The following TARDBP variants were observed in gnomAD, a reference collection of about 807,000 sequenced individuals.
TARDBP encodes TAR DNA binding protein.
A neutral mutation model predicts 38.3 loss-of-function variants in TARDBP; 4 were observed. The observed-to-expected ratio is 0.10, with a 90% CI of 0.05 to 0.24. The LOEUF is 0.24. Ranked by LOEUF, TARDBP falls within the 10% of genes least tolerant of loss-of-function variation. The probability of loss-of-function intolerance (pLI) is 1.00; values close to 1 mark genes in which losing one functional copy is unlikely to be tolerated. For synonymous variants in TARDBP, 184 were observed against 183.8 expected (o/e 1.00, Z -0.01); for missense variants, 202 against 521.9 (o/e 0.39, Z 5.97).
chr1:11,028,093 G>A (rs1262715873), downstream of TARDBP, among the ~76,000 whole-genome samples: 1 of 151,948 alleles, frequency 6.6e-6, no homozygotes. Context: ...GTGGTGATGG[G>A]CACCTGTAAT....
chr1:11,027,504 G>A, downstream of TARDBP: 1 of 1,614,168 alleles, frequency 6.2e-7, no homozygotes, highest in Non-Finnish European at 8.5e-7. Context: ...GGCATGAGCA[G>A]CTGTTAGGAC....
Position 11,012,695 on chromosome 1 carries a change from C to G in TARDBP, c.-61C>G, listed in dbSNP as rs908492197. On this transcript the variant is annotated 5_prime_UTR_variant, in exon 1 of 6. Coordinates refer to ENST00000240185, the MANE Select transcript of TARDBP (RefSeq NM_007375.4). ...GCGGTGGCTGGGCTGCGCTTGGGTC[C>G]GTCGCTGCTTCGGTGTCCCTGTCGG... The G allele has an allele frequency of 6.6e-6, 1 of 152,378 alleles. No homozygotes were observed. The highest frequency in any genetic ancestry group is 1.9e-4 in the East Asian group (1 of 5,166). The allele number at this position is 152,378 out of a possible 1,614,324, so 9.4% of individuals were successfully genotyped here.
intron 2 of TARDBP, among the ~76,000 whole-genome samples, chr1:11,014,755 A>G (rs1430632468): frequency 6.6e-6 from 1 of 152,124 alleles, no homozygotes; most frequent in Non-Finnish European, 1.5e-5. Flanking sequence ...CCTGGCCAAC[A>G]TGATGAAACC....
intron 4 of TARDBP, chr1:11,019,219 T>A (rs1643587258): frequency 3.2e-6 from 1 of 316,860 alleles, no homozygotes; most frequent in South Asian, 2.8e-5. Context: ...AAGACCTAAC[T>A]TTTTCCAAGC....
chr1:11,021,451 A>G (rs1037944069), intron 5 of TARDBP, among the ~76,000 whole-genome samples: 1 of 149,062 alleles, frequency 6.7e-6, no homozygotes, highest in African/African-American at 2.5e-5. Flanking sequence ...AGTTTTTTGT[A>G]TCTTTAGTAG....
chr1:11,023,301 A>T lies in TARDBP; in HGVS notation c.*647A>T. 1.3e-6 allele frequency: 2 copies of T among 1,535,408 alleles called. No individual in the cohort carries two copies. Among genetic ancestry groups the T allele is most frequent in the Non-Finnish European group, 8.8e-7 (1 of 1,134,114 alleles). On this transcript the variant is annotated 3_prime_UTR_variant, in exon 6 of 6. Coordinates refer to ENST00000240185, the MANE Select transcript of TARDBP (RefSeq NM_007375.4). ...ATGCTTTCTCATTCAAGAATTCGTC[A>T]TCACGCATCACAGGCCGCGTCTTTG...
At chr1:11,026,956 C>T (rs758838073), downstream of TARDBP, 3 of 1,546,534 alleles carry the variant, frequency 1.9e-6, no homozygotes, top group East Asian at 4.5e-5. Flanking sequence ...CCATACTGAC[C>T]TGCTTCCCCA....
chr1:11,027,727 G>A, downstream of TARDBP: 1 of 1,462,428 alleles, frequency 6.8e-7, no homozygotes, highest in Non-Finnish European at 9.2e-7. Flanking sequence ...CCGCCTTGAA[G>A]TATATATTTG....
At chr1:11,027,107 A>G, downstream of TARDBP, 1 of 1,609,350 alleles carries the variant, frequency 6.2e-7, no homozygotes, top group Non-Finnish European at 8.5e-7. Context: ...GCATGTTAGC[A>G]GTTACACTTC....
chr1:11,028,699 T>TTTTTG (rs1557665425), downstream of TARDBP, among the ~76,000 whole-genome samples: 1 of 29,358 alleles, frequency 3.4e-5, no homozygotes, highest in East Asian at 1.2e-3. Flanking sequence ...CTTTCTGGGT[T>TTTTTG]TTTTTTCTTT....
intron 3 of TARDBP, among the ~76,000 whole-genome samples, chr1:11,018,142 A>C (rs1160199894): frequency 2.6e-5 from 4 of 151,990 alleles, no homozygotes; most frequent in African/African-American, 9.7e-5. Flanking sequence ...TCCGCCTCCC[A>C]AAGTGCTGGG....
At position 11,022,963 on chromosome 1, in the gene TARDBP, G is replaced by T; in HGVS notation, c.*309G>T. 1 of 1,384,602 alleles carries T rather than the reference G, an allele frequency of 7.2e-7. No individual in the cohort carries two copies. The highest frequency in any genetic ancestry group is 2.7e-4 in the Middle Eastern group (1 of 3,644). The allele number at this position is 1,384,602 out of a possible 1,614,324, so 85.8% of individuals were successfully genotyped here. On this transcript the variant is annotated 3_prime_UTR_variant, in exon 6 of 6. Coordinates refer to ENST00000240185, the MANE Select transcript of TARDBP (RefSeq NM_007375.4). The surrounding 1 kb of genome is among the most constrained non-coding windows in gnomAD (Gnocchi z 4.5). ...TTTCTCCTGTAATATTTTATCCCTG[G>T]ACTTGTCAAGTGAATTCTTTGCATG...
Position 11,018,471 on chromosome 1 carries a change from G to A in TARDBP, c.403-262G>A, listed in dbSNP as rs1036366212. 14 of 470,170 alleles carry A rather than the reference G, an allele frequency of 3.0e-5. No homozygotes were observed. In the Admixed American group the frequency reaches 4.7e-4, roughly 16 times the overall value. The allele number at this position is 470,170 out of a possible 1,614,324, so 29.1% of individuals were successfully genotyped here. A position where few individuals can be genotyped will look rare whatever the true frequency, so the allele number is the denominator to read the frequency against. On this transcript the variant is annotated intron_variant, in intron 3 of 5. Transcript: ENST00000240185. Reference sequence around the variant, plus strand: ...CCCAAAGCACTGGGAATACAGGTGTGAGCCACCGCGCCTGGCCCCATCTCT... The same window carrying A: ...CCCAAAGCACTGGGAATACAGGTGTAAGCCACCGCGCCTGGCCCCATCTCT...
Position 11,022,110 on chromosome 1 carries a change from C to T in TARDBP, c.715-14C>T. 6.2e-7 allele frequency: 1 copy of T among 1,613,834 alleles called. No homozygotes were observed. Among genetic ancestry groups the T allele is most frequent in the Non-Finnish European group, 8.5e-7 (1 of 1,179,808 alleles). On this transcript the variant is annotated splice_polypyrimidine_tract_variant and intron_variant, in intron 5 of 5. Coordinates refer to ENST00000240185, the MANE Select transcript of TARDBP (RefSeq NM_007375.4). This position sits in a 1 kb window ranked among gnomAD's most constrained non-coding sequence, Gnocchi z 4.5. ...GGTTTAATCTTCTTTGTTTACATCC[C>T]TTATTTCTTATAGATTGCGCAGTCT...
downstream of TARDBP, among the ~76,000 whole-genome samples, chr1:11,028,217 C>CAG (rs572388127): frequency 8.1e-3 from 1,170 of 145,184 alleles, 21 homozygotes; most frequent in African/African-American, 0.027. Flanking sequence ...AACTCCATCT[C>CAG]AAAAAAAAAA....
In TARDBP at chr1:11,022,063, T is replaced by C; in HGVS notation, c.715-61T>C. 1 of 1,592,900 alleles carries C rather than the reference T, an allele frequency of 6.3e-7. No individual in the cohort carries two copies. Among genetic ancestry groups the C allele is most frequent in the Non-Finnish European group, 8.6e-7 (1 of 1,162,412 alleles). On this transcript the variant is annotated intron_variant, in intron 5 of 5. Transcript: ENST00000240185. This position sits in a 1 kb window ranked among gnomAD's most constrained non-coding sequence, Gnocchi z 4.5. ...ATGCTTGTAATCTAAGTTTTGTTGC[T>C]ACTTTAAATATATGAATCAGTGGTT... is the stretch of plus-strand genomic sequence containing the variant.
intron 2 of TARDBP, among the ~76,000 whole-genome samples, chr1:11,014,521 C>T (rs1643476533): frequency 6.6e-6 from 1 of 152,160 alleles, no homozygotes; most frequent in Admixed American, 6.5e-5. Flanking sequence ...TACCTAATTT[C>T]AGCATTTTGA....
rs979327793 is a variant in TARDBP at position 11,022,798 on chromosome 1, G to A, written c.*144G>A. The A allele has an allele frequency of 1.3e-4, 184 of 1,408,872 alleles. No homozygotes were observed. Among genetic ancestry groups the A allele is most frequent in the Non-Finnish European group, 1.6e-4 (176 of 1,079,662 alleles). 87.3% of individuals were successfully genotyped at this position (1,408,872 alleles called of 1,614,324 possible). A position where few individuals can be genotyped will look rare whatever the true frequency, so the allele number is the denominator to read the frequency against. On this transcript the variant is annotated 3_prime_UTR_variant, in exon 6 of 6. Transcript: ENST00000240185. This position sits in a 1 kb window ranked among gnomAD's most constrained non-coding sequence, Gnocchi z 4.5. ...GTGGAGTATATTCAGCAGTATTTTT[G>A]ACATTTTTCTTTAGAAAAAGGAAGA...
chr1:11,029,168 A>AT (rs145611326), downstream of TARDBP, among the ~76,000 whole-genome samples: 109 of 143,896 alleles, frequency 7.6e-4, 1 homozygote, highest in East Asian at 0.011. Flanking sequence ...AATTTTTTGT[A>AT]TTTTTTTTTT....
Sources: gnomAD v4.1 joint callset for allele counts (sites outside exome capture counted in the v4.1 genomes callset) on GRCh38, gnomAD v4.1.1 for gene constraint, Gnocchi (gnomAD v3.1) non-coding constraint, MANE v1.5 for transcripts, NCBI Gene and HGNC (gene_info 2026-07-23, HGNC 2026-07-21) for gene names.